The following CNTN5 variants were observed in gnomAD, a reference collection of about 807,000 sequenced individuals.
The protein encoded by CNTN5 is contactin-5.
A neutral mutation model predicts 129.1 loss-of-function variants in CNTN5; 77 were observed. That is an observed-to-expected ratio of 0.60 (90% CI 0.50 to 0.72). CNTN5 has a LOEUF of 0.72. Among genes scored for constraint, CNTN5 ranks in the 30% least tolerant of loss-of-function variants. CNTN5 has a pLI of 0.00. For missense variants in CNTN5, 1,478 were observed against 1,328.8 expected (o/e 1.11, Z -1.75); for synonymous variants, 509 against 465.6 (o/e 1.09, Z -1.20).
At chr11:99,878,891 A>T (rs1948702108) in intron 6 of CNTN5, among the ~76,000 whole-genome samples, 1 of 152,036 alleles carries the variant, frequency 6.6e-6, no homozygotes, top group African/African-American at 2.4e-5. Flanking sequence ...AAAAAAGATG[A>T]TACTCCCAAA....
intron 20 of CNTN5, among the ~76,000 whole-genome samples, chr11:100,305,947 T>TAA (rs60794756): frequency 9.9e-5 from 12 of 121,148 alleles, no homozygotes; most frequent in East Asian, 2.3e-4. Flanking sequence ...GCTGATTAGC[T>TAA]AAAAAAAAAA....
intron 1 of CNTN5, among the ~76,000 whole-genome samples, chr11:99,064,777 A>T (rs1865033376): frequency 6.6e-6 from 1 of 152,080 alleles, no homozygotes; most frequent in Non-Finnish European, 1.5e-5. Context: ...TCAAAATTAG[A>T]ACAGCAAATT....
chr11:99,663,690 T>G (rs1450836349), intron 3 of CNTN5, among the ~76,000 whole-genome samples: 3 of 152,088 alleles, frequency 2.0e-5, no homozygotes, highest in African/African-American at 7.2e-5. Flanking sequence ...TAACGAGCTC[T>G]TACCCCTTTG....
intron 3 of CNTN5, among the ~76,000 whole-genome samples, chr11:99,659,772 C>A (rs1230823363): frequency 1.3e-5 from 2 of 152,104 alleles, no homozygotes; most frequent in Non-Finnish European, 2.9e-5. Context: ...GTCTATGGAT[C>A]CTAATGTTAA....
chr11:99,587,404 G>A (rs1170517330), intron 3 of CNTN5, among the ~76,000 whole-genome samples: 2 of 152,210 alleles, frequency 1.3e-5, no homozygotes, highest in African/African-American at 2.4e-5. Context: ...CCATAAAGGA[G>A]CGACAAATTC....
intron 2 of CNTN5, among the ~76,000 whole-genome samples, chr11:99,476,454 T>A (rs1945374851): frequency 6.6e-6 from 1 of 152,132 alleles, no homozygotes; most frequent in Non-Finnish European, 1.5e-5. Context: ...TAAGCAATGA[T>A]CTTTTAAAAA....
At chr11:100,038,958 G>A (rs1942207568) in intron 9 of CNTN5, among the ~76,000 whole-genome samples, 1 of 152,080 alleles carries the variant, frequency 6.6e-6, no homozygotes, top group Non-Finnish European at 1.5e-5. Flanking sequence ...GGAGCATTTA[G>A]CCCATTTACA....
intron 7 of CNTN5, 56 bp downstream of exon 7, chr11:99,916,205 A>C (rs1380712316): frequency 7.3e-7 from 1 of 1,375,252 alleles, no homozygotes; most frequent in African/African-American, 1.4e-5. Flanking sequence ...CTATGTGTTC[A>C]TTCTTTTAGA....
chr11:100,187,387 G>A (rs564929167), intron 13 of CNTN5, among the ~76,000 whole-genome samples: 4 of 148,004 alleles, frequency 2.7e-5, no homozygotes, highest in East Asian at 2.0e-4. Context: ...ACAATTCAAC[G>A]CTATTCCTAT....
intron 1 of CNTN5, among the ~76,000 whole-genome samples, chr11:99,224,045 C>T (rs1003598078): frequency 5.9e-5 from 9 of 152,014 alleles, no homozygotes; most frequent in Non-Finnish European, 1.3e-4. Context: ...TAACAAAAAG[C>T]TAACTACAGA....
intron 13 of CNTN5, among the ~76,000 whole-genome samples, chr11:100,157,366 A>G (rs541079975): frequency 1.4e-4 from 22 of 152,066 alleles, no homozygotes; most frequent in Non-Finnish European, 2.5e-4. Context: ...CAGATATTTA[A>G]TATAGAATTT....
At chr11:99,844,797 C>A in intron 4 of CNTN5, 55 bp from the exon 5 acceptor site, 3 of 1,534,856 alleles carry the variant, frequency 2.0e-6, no homozygotes, top group Non-Finnish European at 8.8e-7. Context: ...GAAAAAAACA[C>A]AAAATATCTT....
At chr11:100,290,235 T>C (rs1227118366) in intron 18 of CNTN5, among the ~76,000 whole-genome samples, 1 of 151,844 alleles carries the variant, frequency 6.6e-6, no homozygotes, top group East Asian at 1.9e-4. Flanking sequence ...ATGCCTTTCT[T>C]CACAGAATTG....
intron 1 of CNTN5, among the ~76,000 whole-genome samples, chr11:99,068,844 A>G (rs1438246113): frequency 6.6e-6 from 1 of 152,198 alleles, no homozygotes; most frequent in Admixed American, 6.5e-5. Context: ...GGCAGAGAGC[A>G]TTAGATTTCT....
At chr11:100,335,755 G>A (rs1364356045) in intron 21 of CNTN5, among the ~76,000 whole-genome samples, 1 of 146,204 alleles carries the variant, frequency 6.8e-6, no homozygotes, top group Non-Finnish European at 1.5e-5. Context: ...GCAATAGCGT[G>A]AGACTCCATC....
Position 99,644,337 on chromosome 11 carries a change from TC to T in CNTN5, c.55+88069del, listed in dbSNP as rs1022153225. ...CCTCACAATTGGCAAGGTCTTAGTTTCTTTTTTAATGTTGCCTTTGGATTGT... is the reference window on the plus strand; with the variant it reads ...CCTCACAATTGGCAAGGTCTTAGTTTTTTTTTAATGTTGCCTTTGGATTGT... On this transcript the variant is annotated intron_variant, in intron 3 of 24. Coordinates refer to ENST00000524871, the MANE Select transcript of CNTN5 (RefSeq NM_014361.4). Among the ~76,000 whole-genome samples, 17 of 152,334 alleles carry T rather than the reference TC, an allele frequency of 1.1e-4. 1 individual carries two copies. In the South Asian group the frequency reaches 3.5e-3, roughly 32 times the overall value.
chr11:100,235,208 C>T (rs1949583546), intron 16 of CNTN5, among the ~76,000 whole-genome samples: 1 of 152,192 alleles, frequency 6.6e-6, no homozygotes, highest in South Asian at 2.1e-4. Context: ...TGTACAGACA[C>T]ATCTAAAATC....
intron 3 of CNTN5, among the ~76,000 whole-genome samples, chr11:99,688,456 C>T (rs1407535530): frequency 3.3e-5 from 5 of 152,142 alleles, no homozygotes; most frequent in Non-Finnish European, 7.4e-5. Context: ...AGTCTTACAA[C>T]AGGTGAGGTT....
intron 15 of CNTN5, among the ~76,000 whole-genome samples, chr11:100,221,037 T>C (rs1380513331): frequency 2.0e-5 from 3 of 152,126 alleles, no homozygotes; most frequent in African/African-American, 7.2e-5. Flanking sequence ...GGGGGAGACA[T>C]CTACGAATAG....
Sources: allele counts gnomAD v4.1 joint callset (sites outside exome capture counted in the v4.1 genomes callset), GRCh38; gene constraint gnomAD v4.1.1; transcripts MANE v1.5; gene names NCBI Gene and HGNC (gene_info 2026-07-23, HGNC 2026-07-21).